The following FAM20A variants were observed in gnomAD, a reference collection of about 807,000 sequenced individuals.
FAM20A encodes FAM20A golgi associated secretory pathway pseudokinase.
Under a neutral mutation model 52.0 loss-of-function variants are expected in FAM20A, and 42 were observed. The ratio of observed to expected loss-of-function variants is 0.81; its 90% CI spans 0.63 to 1.04. The LOEUF (loss-of-function observed/expected upper bound fraction) is 1.04, where lower values mean the gene tolerates loss of function less well. FAM20A is among the 50% of genes least tolerant of loss of function. FAM20A has a pLI of 0.00. For missense variants in FAM20A, 742 were observed against 712.7 expected (o/e 1.04, Z -0.47); for synonymous variants, 304 against 298.9 (o/e 1.02, Z -0.18).
intron 1 of FAM20A, among the ~76,000 whole-genome samples, chr17:68,589,699 AATATT>A (rs2088250818): frequency 6.6e-6 from 1 of 152,172 alleles, no homozygotes; most frequent in Non-Finnish European, 1.5e-5. Context: ...TTTCAAAAGA[AATATT>A]ATACAGAAAC....
chr17:68,544,207 C>A (rs1231343457), intron 4 of FAM20A, among the ~76,000 whole-genome samples: 1 of 151,458 alleles, frequency 6.6e-6, no homozygotes, highest in Non-Finnish European at 1.5e-5. Flanking sequence ...CAGAAAAGTT[C>A]TGGGTCTTAG....
intron 2 of FAM20A, 90 bp from the exon 3 acceptor site, chr17:68,554,917 A>T: frequency 7.5e-7 from 1 of 1,340,522 alleles, no homozygotes; most frequent in South Asian, 1.2e-5. Context: ...GGTTCAGATC[A>T]CCAGAGGGGA....
chr17:68,551,959 A>G lies in FAM20A; in HGVS notation c.641-8T>C, dbSNP rs751871029. ...CCCCACTGGGTTTCACAACTGTGAA[A>G]GGCAGAAGGGTGAGTTAACCATGCT... On this transcript the variant is annotated splice_polypyrimidine_tract_variant and splice_region_variant and intron_variant, in intron 3 of 10. Transcript: ENST00000592554. 2.5e-6 allele frequency: 4 copies of G among 1,570,618 alleles called. No individual in the cohort carries two copies. Among genetic ancestry groups the G allele is most frequent in the Non-Finnish European group, 1.7e-6 (2 of 1,153,430 alleles).
At position 68,551,399 on chromosome 17, in the gene FAM20A, T is replaced by C. The variant is rs1353169969; in HGVS notation, c.719+474A>G. 20 of 319,692 alleles carry C rather than the reference T, an allele frequency of 6.3e-5. No homozygotes were observed. The East Asian group carries it at 9.3e-4, about 15-fold the overall frequency. 19.8% of individuals were successfully genotyped at this position (319,692 alleles called of 1,614,324 possible). On this transcript the variant is annotated intron_variant, in intron 4 of 10. Transcript: ENST00000592554. Reference sequence around the variant, plus strand: ...TGTGGTATACAAGTCCGTAAACTTTTTGATGTCAAAAAGAGAGTGCTTTCC... The same window carrying C: ...TGTGGTATACAAGTCCGTAAACTTTCTGATGTCAAAAAGAGAGTGCTTTCC...
At chr17:68,553,552 C>T (rs2086937134) in intron 3 of FAM20A, among the ~76,000 whole-genome samples, 1 of 152,046 alleles carries the variant, frequency 6.6e-6, no homozygotes, top group Non-Finnish European at 1.5e-5. Flanking sequence ...CACAGCACTC[C>T]TGGAGGGGAG....
At chr17:68,583,607 T>TC (rs1168268074) in intron 1 of FAM20A, among the ~76,000 whole-genome samples, 3 of 150,240 alleles carry the variant, frequency 2.0e-5, no homozygotes, top group Non-Finnish European at 2.9e-5. Flanking sequence ...TAAAGACCTG[T>TC]TTTTTTTAAC....
chr17:68,539,131 T>G (rs974006270), intron 10 of FAM20A, among the ~76,000 whole-genome samples: 5 of 152,208 alleles, frequency 3.3e-5, no homozygotes, highest in African/African-American at 1.2e-4. Flanking sequence ...TTATTAATCT[T>G]ATGAGACCAC....
chr17:68,578,389 T>C (rs1369653916), intron 1 of FAM20A, among the ~76,000 whole-genome samples: 2 of 152,220 alleles, frequency 1.3e-5, no homozygotes, highest in African/African-American at 4.8e-5. Flanking sequence ...GATTAAATTC[T>C]TTCAAGTCCT....
chr17:68,597,835 G>T (rs2088496248), intron 1 of FAM20A, among the ~76,000 whole-genome samples: 1 of 151,960 alleles, frequency 6.6e-6, no homozygotes, highest in Non-Finnish European at 1.5e-5. Context: ...TAGGATCTAG[G>T]GGTGTCCTCG....
intron 10 of FAM20A, among the ~76,000 whole-genome samples, chr17:68,538,967 A>T (rs2086177576): frequency 1.3e-5 from 2 of 152,188 alleles, no homozygotes; most frequent in Non-Finnish European, 2.9e-5. Context: ...CAGAGAGTGT[A>T]CTCACACAAA....
rs1048907583 is a variant in FAM20A at position 68,568,416 on chromosome 17, G to A, written c.405-12673C>T. On this transcript the variant is annotated intron_variant, in intron 1 of 10. Transcript: ENST00000592554. Reference sequence around the variant, plus strand: ...CCGGGAGGTGGAGCTTGCAGTGAGCGGAGATCGCGTCACTGCACTCCAGCC... The same window carrying A: ...CCGGGAGGTGGAGCTTGCAGTGAGCAGAGATCGCGTCACTGCACTCCAGCC... Among the ~76,000 whole-genome samples, 5 of 151,516 alleles carry A rather than the reference G, an allele frequency of 3.3e-5. 1 individual carries two copies. Among genetic ancestry groups the A allele is most frequent in the East Asian group, 1.9e-4 (1 of 5,184 alleles).
chr17:68,561,983 C>T (rs1200760691), intron 1 of FAM20A, among the ~76,000 whole-genome samples: 2 of 152,178 alleles, frequency 1.3e-5, no homozygotes, highest in Non-Finnish European at 2.9e-5. Context: ...GCCACCACAC[C>T]TGGCTAAGTT....
At chr17:68,547,738 A>G (rs1383691507) in intron 4 of FAM20A, among the ~76,000 whole-genome samples, 3 of 152,330 alleles carry the variant, frequency 2.0e-5, no homozygotes, top group South Asian at 4.1e-4. Flanking sequence ...CTATCCAGAT[A>G]ACTTAAACTT....
chr17:68,573,370 C>T (rs1323291379), intron 1 of FAM20A, among the ~76,000 whole-genome samples: 1 of 152,228 alleles, frequency 6.6e-6, no homozygotes, highest in African/African-American at 2.4e-5. Context: ...TGCTTTATAA[C>T]AAAATACTTG....
Position 68,539,930 on chromosome 17 carries a change from T to C in FAM20A, c.1256A>G (p.Lys419Arg). ...MDRHHYEMFT[K>R]FGDDGFLIHL... is the part of the protein sequence containing the mutation. Reference sequence around the variant, plus strand: ...AATAAGGAACCCATCATCCCCGAACTTGGTGAACATCTCATAATGGTGCCG... The same window carrying C: ...AATAAGGAACCCATCATCCCCGAACCTGGTGAACATCTCATAATGGTGCCG... Residue 419 changes from lysine to arginine, a missense_variant, in exon 9 of 11, where the codon AAG becomes AGG. By Grantham distance (26) the Lys-to-Arg change is conservative. Coordinates refer to ENST00000592554, the MANE Select transcript of FAM20A (RefSeq NM_017565.4). 6.2e-7 allele frequency: 1 copy of C among 1,614,172 alleles called. No homozygotes were observed. Among genetic ancestry groups the C allele is most frequent in the Non-Finnish European group, 8.5e-7 (1 of 1,180,034 alleles).
At chr17:68,563,107 C>T (rs549394818) in intron 1 of FAM20A, among the ~76,000 whole-genome samples, 4 of 152,156 alleles carry the variant, frequency 2.6e-5, no homozygotes, top group South Asian at 2.1e-4. Flanking sequence ...TGCAAACAGC[C>T]GGGCGCAGTG....
intron 1 of FAM20A, among the ~76,000 whole-genome samples, chr17:68,583,277 C>T (rs1009585273): frequency 1.3e-5 from 2 of 152,096 alleles, no homozygotes; most frequent in African/African-American, 4.8e-5. Context: ...AACTTAGTGG[C>T]GTAAATAACA....
chr17:68,548,068 A>T (rs1468277000), intron 4 of FAM20A, among the ~76,000 whole-genome samples: 1 of 152,030 alleles, frequency 6.6e-6, no homozygotes, highest in East Asian at 1.9e-4. Flanking sequence ...ACTGGGAGAG[A>T]TTGGGGGAAC....
Position 68,543,731 on chromosome 17 carries a change from A to G in FAM20A, c.720-10T>C. 1 of 1,612,368 alleles carries G rather than the reference A, an allele frequency of 6.2e-7. No individual in the cohort carries two copies. The highest frequency in any genetic ancestry group is 2.2e-5 in the East Asian group (1 of 44,866). ...CTCATCTCGCTGCTGTCTGGAAGGAAGGAAGGAATCACGCCCTGGACTCAG... is the reference window on the plus strand; with the variant it reads ...CTCATCTCGCTGCTGTCTGGAAGGAGGGAAGGAATCACGCCCTGGACTCAG... On this transcript the variant is annotated splice_polypyrimidine_tract_variant and intron_variant, in intron 4 of 10. Coordinates refer to ENST00000592554, the MANE Select transcript of FAM20A (RefSeq NM_017565.4).
Sources: gnomAD v4.1 joint callset for allele counts (sites outside exome capture counted in the v4.1 genomes callset) on GRCh38, gnomAD v4.1.1 for gene constraint, MANE v1.5 for transcripts, NCBI Gene and HGNC (gene_info 2026-07-23, HGNC 2026-07-21) for gene names.